Variants in SBNO2 observed in about 807,000 individuals in gnomAD.
SBNO2 encodes protein strawberry notch homolog 2.
In SBNO2, 89 loss-of-function variants were observed where a neutral mutation model predicts 146.3. The ratio of observed to expected loss-of-function variants is 0.61; its 90% CI spans 0.51 to 0.73. The LOEUF (loss-of-function observed/expected upper bound fraction) is 0.73, where lower values mean the gene tolerates loss of function less well. Among genes scored for constraint, SBNO2 ranks in the 30% least tolerant of loss-of-function variants. The probability of loss-of-function intolerance (pLI) is 0.00; values close to 1 mark genes in which losing one functional copy is unlikely to be tolerated. For missense variants in SBNO2, 2,092 were observed against 2,003.7 expected (o/e 1.04, Z -0.84); for synonymous variants, 1,147 against 892.6 (o/e 1.29, Z -5.08).
rs774191951 is a variant in SBNO2 at position 1,109,165 on chromosome 19, A to C, written c.3395T>G (p.Leu1132Trp). ...GCTGTGGCTGCAGTGCGTCAGCGAC[A>C]AAGCGTAGCCACTCTCCCAGGGCTC... ...AKEPWESGYALSLTHCSHSAW... is the reference protein window; with the variant it reads ...AKEPWESGYAWSLTHCSHSAW... Residue 1132 changes from leucine to tryptophan, a missense_variant, in exon 30 of 32, where the codon TTG (leucine) becomes TGG (tryptophan). Transcript: ENST00000361757. The surrounding 1 kb of genome is among the most constrained non-coding windows in gnomAD (Gnocchi z 4.2). 1.3e-6 allele frequency: 2 copies of C among 1,558,182 alleles called. No homozygotes were observed. The highest frequency in any genetic ancestry group is 1.7e-6 in the Non-Finnish European group (2 of 1,151,940).
intron 4 of SBNO2, among the ~76,000 whole-genome samples, chr19:1,135,313 G>A (rs1383952477): frequency 6.8e-6 from 1 of 146,906 alleles, no homozygotes; most frequent in African/African-American, 2.5e-5. Flanking sequence ...AGTAAGTTAT[G>A]ATCACACCAC....
At chr19:1,160,909 G>A (rs558626438) in intron 1 of SBNO2, among the ~76,000 whole-genome samples, 1 of 151,600 alleles carries the variant, frequency 6.6e-6, no homozygotes, top group East Asian at 2.0e-4. Flanking sequence ...GGGCAGCTCT[G>A]CCAGGACCAC....
intron 4 of SBNO2, among the ~76,000 whole-genome samples, chr19:1,141,461 C>T (rs1599859991): frequency 6.6e-6 from 1 of 152,084 alleles, no homozygotes; most frequent in African/African-American, 2.4e-5. Context: ...GTGATCTGCC[C>T]GCCTTGGCCC....
chr19:1,128,206 C>A, intron 4 of SBNO2: 1 of 497,466 alleles, frequency 2.0e-6, no homozygotes, highest in South Asian at 1.5e-5. Context: ...AGGACGGCGT[C>A]TGACTTCTGC....
In SBNO2 at chr19:1,108,427, G is replaced by A. The variant is rs1323839386; in HGVS notation, c.3894C>T (p.Ala1298=). 4.0e-6 allele frequency: 5 copies of A among 1,260,504 alleles called. No individual in the cohort carries two copies. The highest frequency in any genetic ancestry group is 4.0e-5 in the East Asian group (1 of 25,302). 78.1% of individuals were successfully genotyped at this position (1,260,504 alleles called of 1,614,324 possible). A position where few individuals can be genotyped will look rare whatever the true frequency, so the allele number is the denominator to read the frequency against. Residue 1298 remains alanine, a synonymous_variant, in exon 32 of 32, where the codon GCC becomes GCT. Transcript: ENST00000361757. ...CCTGGTGCGCGAGGGCCGCAGGGTC[G>A]GCCTGGGCGTCGGGGGTGCCCAGCG... is the stretch of plus-strand genomic sequence containing the variant. The part of the protein sequence containing the change: ...VVPLGTPDAQ[A]DPAALAHQGC...
rs2079706287 is a variant in SBNO2, at chr19:1,108,630, T to G, written c.3691A>C (p.Arg1231=). 1 of 1,470,626 alleles carries G rather than the reference T, an allele frequency of 6.8e-7. No individual in the cohort carries two copies. Among genetic ancestry groups the G allele is most frequent in the Non-Finnish European group, 8.9e-7 (1 of 1,119,750 alleles). The allele number at this position is 1,470,626 out of a possible 1,614,324, so 91.1% of individuals were successfully genotyped here. A position where few individuals can be genotyped will look rare whatever the true frequency, so the allele number is the denominator to read the frequency against. ...LRLMDADVKR[R]QAPALGCPAP... ...GGGCAGCCCAGGGCGGGCGCCTGCC[T>G]GCGCTTCACGTCCGCATCCATCAGC... is the stretch of plus-strand genomic sequence containing the variant. The change falls in exon 32 of 32, where the codon AGG becomes CGG. Residue 1231 remains arginine, a synonymous_variant. Coordinates refer to ENST00000361757, the MANE Select transcript of SBNO2 (RefSeq NM_014963.3).
chr19:1,123,601 C>T lies in SBNO2; in HGVS notation c.561G>A (p.Glu187=). ...SVQSQPEEED[E]AEEEEAEELG... is the part of the protein sequence containing the mutation. ...GCTCCTCCGCCTCCTCCTCCTCAGC[C>T]TCGTCCTCCTCCTCTGGCTGGCTCT... The change falls in exon 7 of 32, where the codon GAG becomes GAA. Residue 187 remains glutamate, a synonymous_variant. Transcript: ENST00000361757. The T allele has an allele frequency of 1.2e-6, 2 of 1,613,410 alleles. No homozygotes were observed. Among genetic ancestry groups the T allele is most frequent in the South Asian group, 2.2e-5 (2 of 91,048 alleles).
At chr19:1,171,029 C>T (rs2080472522) in intron 1 of SBNO2, among the ~76,000 whole-genome samples, 1 of 151,922 alleles carries the variant, frequency 6.6e-6, no homozygotes, top group African/African-American at 2.4e-5. Flanking sequence ...AAAATACAGA[C>T]ACACATAACC....
At chr19:1,120,291 C>A (rs1020454007) in intron 11 of SBNO2, among the ~76,000 whole-genome samples, 2 of 152,176 alleles carry the variant, frequency 1.3e-5, no homozygotes, top group East Asian at 3.8e-4. Context: ...GGGCCTCCGG[C>A]GAGGAAGGGT....
intron 4 of SBNO2, among the ~76,000 whole-genome samples, chr19:1,130,518 G>T (rs1262988464): frequency 6.6e-6 from 1 of 150,786 alleles, no homozygotes; most frequent in African/African-American, 2.4e-5. Flanking sequence ...GTCAAGCAGG[G>T]CGTAGTGGCT....
In SBNO2 at chr19:1,112,462, G is replaced by C; in HGVS notation, c.2455C>G (p.Arg819Gly). 1 of 1,607,706 alleles carries C rather than the reference G, an allele frequency of 6.2e-7. No homozygotes were observed. The highest frequency in any genetic ancestry group is 8.5e-7 in the Non-Finnish European group (1 of 1,178,684). ...AGCTCCAAGGTCATGTGCACGCGGC[G>C]CCGCTGGTTCTGGACACGGCGGTCG... ...QADRRVQNQR[R>G]RVHMTLELPW... is the part of the protein sequence containing the mutation. Residue 819 changes from arginine (R) to glycine (G), a missense_variant, in exon 21 of 32, where the codon CGC becomes GGC. Arg to Gly is a moderately radical substitution (Grantham distance 125, BLOSUM62 -2). Transcript: ENST00000361757. The surrounding 1 kb of genome is among the most constrained non-coding windows in gnomAD (Gnocchi z 5.9).
At chr19:1,133,331 G>A (rs1404659039) in intron 4 of SBNO2, among the ~76,000 whole-genome samples, 1 of 152,194 alleles carries the variant, frequency 6.6e-6, no homozygotes, top group Non-Finnish European at 1.5e-5. Context: ...CGCCCCGAGA[G>A]GCCAGGGGAG....
At chr19:1,115,238 T>A (rs1371157573) in intron 17 of SBNO2, 3 of 147,190 alleles carry the variant, frequency 2.0e-5, no homozygotes, top group African/African-American at 7.5e-5. Flanking sequence ...TAGCCAATAT[T>A]TTATTTTTAT....
chr19:1,132,538 C>G (rs1189282779), intron 4 of SBNO2, among the ~76,000 whole-genome samples: 1 of 152,190 alleles, frequency 6.6e-6, no homozygotes, highest in South Asian at 2.1e-4. Flanking sequence ...AGCTGGGTTC[C>G]GTTCCACGGG....
chr19:1,132,371 T>TGC, intron 4 of SBNO2: 1 of 1,118,264 alleles, frequency 8.9e-7, no homozygotes, highest in Admixed American at 4.1e-5. Flanking sequence ...TTACCGGCAG[T>TGC]GCGAGGAGAA....
chr19:1,142,788 G>A lies in SBNO2; in HGVS notation c.279+4521C>T, dbSNP rs907851228. Among the ~76,000 whole-genome samples the A allele has an allele frequency of 3.9e-5, 6 of 152,130 alleles. No individual in the cohort carries two copies. In the East Asian group the frequency reaches 5.8e-4, roughly 15 times the overall value. Reference sequence around the variant, plus strand: ...TCGAGACCATCCTGGCCAACATGGCGAAATCCCATCTCTACTAAAAATATA... The same window carrying A: ...TCGAGACCATCCTGGCCAACATGGCAAAATCCCATCTCTACTAAAAATATA... On this transcript the variant is annotated intron_variant, in intron 4 of 31. Coordinates refer to ENST00000361757, the MANE Select transcript of SBNO2 (RefSeq NM_014963.3).
intron 7 of SBNO2, 85 bp downstream of exon 7, chr19:1,123,449 G>A: frequency 8.9e-7 from 1 of 1,118,484 alleles, no homozygotes; most frequent in Non-Finnish European, 1.3e-6. Context: ...TCTGTGGGCT[G>A]TGCGGGCGGT....
In SBNO2 at chr19:1,108,078, C is replaced by T; in HGVS notation, c.*142G>A. The T allele has an allele frequency of 1.0e-5, 10 of 980,590 alleles. No individual in the cohort carries two copies. In the South Asian group the frequency reaches 1.7e-4, roughly 16 times the overall value. 60.7% of individuals were successfully genotyped at this position (980,590 alleles called of 1,614,324 possible). A position where few individuals can be genotyped will look rare whatever the true frequency, so the allele number is the denominator to read the frequency against. ...CGCCAGGGCTGACCAGGTGGGGGCC[C>T]GGGTCGGGCGCTGAAGGCACTGCGG... On this transcript the variant is annotated 3_prime_UTR_variant, in exon 32 of 32. Coordinates refer to ENST00000361757, the MANE Select transcript of SBNO2 (RefSeq NM_014963.3).
At chr19:1,156,433 C>T (rs866908502) in intron 1 of SBNO2, among the ~76,000 whole-genome samples, 13 of 152,070 alleles carry the variant, frequency 8.5e-5, no homozygotes, top group Non-Finnish European at 1.2e-4. Context: ...AACCAGGAGG[C>T]GGAGGCGGAG....
Sources: allele counts gnomAD v4.1 joint callset (sites outside exome capture counted in the v4.1 genomes callset), GRCh38; gene constraint gnomAD v4.1.1; non-coding constraint Gnocchi (gnomAD v3.1); transcripts MANE v1.5; gene names NCBI Gene and HGNC (gene_info 2026-07-23, HGNC 2026-07-21).